Variants in RPA1 observed in about 807,000 individuals in gnomAD.
The protein encoded by RPA1 is replication protein A1.
Under a neutral mutation model 83.0 loss-of-function variants are expected in RPA1, and 49 were observed. That is an observed-to-expected ratio of 0.59 (90% confidence interval 0.47 to 0.75). The LOEUF (loss-of-function observed/expected upper bound fraction) is 0.75. RPA1 is among the 30% of genes least tolerant of loss of function. The pLI, the probability that RPA1 is intolerant of heterozygous loss-of-function variation, is 0.00. For synonymous variants in RPA1, 279 were observed against 281.8 expected (o/e 0.99, Z 0.10); for missense variants, 693 against 776.1 (o/e 0.89, Z 1.27).
intron 1 of RPA1, among the ~76,000 whole-genome samples, chr17:1,842,089 C>T (rs1403810159): frequency 1.3e-5 from 2 of 151,984 alleles, no homozygotes; most frequent in Admixed American, 1.3e-4. Flanking sequence ...CTCTTGGGCT[C>T]AAAGCAGTCC....
At chr17:1,880,392 TAG>T in intron 11 of RPA1, 149 bp from the exon 12 acceptor site, 1 of 722,258 alleles carries the variant, frequency 1.4e-6, no homozygotes, top group Non-Finnish European at 2.3e-6. Flanking sequence ...TGTCTCTGAG[TAG>T]ATTCTCATGT....
chr17:1,830,028 C>T lies in RPA1; in HGVS notation c.-66C>T. 1 of 1,240,902 alleles carries T rather than the reference C, an allele frequency of 8.1e-7. No individual in the cohort carries two copies. Among genetic ancestry groups the T allele is most frequent in the Non-Finnish European group, 1.0e-6 (1 of 981,542 alleles). 76.9% of individuals were successfully genotyped at this position (1,240,902 alleles called of 1,614,324 possible). ...TTCTCGGGCCAATAACTGCGCAGCGCGCGGGACCCGGGTGGGGAAGCTGGA... is the reference window on the plus strand; with the variant it reads ...TTCTCGGGCCAATAACTGCGCAGCGTGCGGGACCCGGGTGGGGAAGCTGGA... On this transcript the variant is annotated 5_prime_UTR_variant, in exon 1 of 17. Coordinates refer to ENST00000254719, the MANE Select transcript of RPA1 (RefSeq NM_002945.5).
chr17:1,889,062 G>GC (rs2151291018), intron 14 of RPA1, among the ~76,000 whole-genome samples: 1 of 148,780 alleles, frequency 6.7e-6, no homozygotes, highest in Non-Finnish European at 1.5e-5. Flanking sequence ...ACGTCATACA[G>GC]CCATAGCGTC....
At position 1,830,023 on chromosome 17, in the gene RPA1, CAGCGCGCGGG is replaced by C. The variant is rs1413928037; in HGVS notation, c.-69_-60del. 8.1e-7 allele frequency: 1 copy of C among 1,237,090 alleles called. No individual in the cohort carries two copies. The highest frequency in any genetic ancestry group is 1.6e-5 in the African/African-American group (1 of 64,304). The allele number at this position is 1,237,090 out of a possible 1,614,324, so 76.6% of individuals were successfully genotyped here. On this transcript the variant is annotated 5_prime_UTR_variant, in exon 1 of 17. Coordinates refer to ENST00000254719, the MANE Select transcript of RPA1 (RefSeq NM_002945.5). The stretch of plus-strand genomic sequence containing the variant: ...GCAACTTCTCGGGCCAATAACTGCG[CAGCGCGCGGG>C]ACCCGGGTGGGGAAGCTGGAGCTGT...
intron 4 of RPA1, among the ~76,000 whole-genome samples, chr17:1,849,417 C>G (rs1315216931): frequency 6.6e-6 from 1 of 151,420 alleles, no homozygotes; most frequent in African/African-American, 2.4e-5. Context: ...CTCAGCCTCC[C>G]CAGTAGCTGG....
intron 13 of RPA1, among the ~76,000 whole-genome samples, chr17:1,886,139 G>A (rs934934385): frequency 4.0e-5 from 6 of 151,780 alleles, no homozygotes; most frequent in African/African-American, 1.2e-4. Context: ...CTCGTACTGT[G>A]TGTCTCCATT....
At chr17:1,840,630 G>A (rs1047504485) in intron 1 of RPA1, among the ~76,000 whole-genome samples, 2 of 152,042 alleles carry the variant, frequency 1.3e-5, no homozygotes, top group Non-Finnish European at 2.9e-5. Context: ...GACTGGTCTC[G>A]AACTCCTGAG....
At chr17:1,870,458 T>C (rs1486219018) in intron 5 of RPA1, among the ~76,000 whole-genome samples, 1 of 152,234 alleles carries the variant, frequency 6.6e-6, no homozygotes, top group Non-Finnish European at 1.5e-5. Flanking sequence ...TTTTAAAAAT[T>C]GTGGTAAAAT....
chr17:1,872,440 G>A lies in RPA1; in HGVS notation c.368G>A (p.Gly123Glu). 9 of 1,613,746 alleles carry A rather than the reference G, an allele frequency of 5.6e-6. No homozygotes were observed. Among genetic ancestry groups the A allele is most frequent in the Non-Finnish European group, 6.8e-6 (8 of 1,179,960 alleles). The part of the protein sequence containing the change: ...GNPVPYNEGL[G>E]QPQVAPPAPA... ...TTTCCCTTTTGATCTTCAGGACTCG[G>A]GCAGCCGCAAGTAGCTCCTCCAGCG... The change falls in exon 6 of 17, where the codon GGG (glycine) becomes GAG (glutamate). Residue 123 changes from glycine to glutamate, a missense_variant. Transcript: ENST00000254719.
rs17339011 is a variant in RPA1, at chr17:1,884,844, A to G, written c.1374+900A>G. 7.1e-3 allele frequency among the ~76,000 whole-genome samples: 1,089 copies of G among 152,326 alleles called. 14 individuals carry two copies. Among genetic ancestry groups the G allele is most frequent in the African/African-American group, 0.025 (1,028 of 41,556 alleles). ...CATGGAAGACCCCTTCTCTTGAAACAAAAACTTTATTGCTGAAAAATGCTG... is the reference window on the plus strand; with the variant it reads ...CATGGAAGACCCCTTCTCTTGAAACGAAAACTTTATTGCTGAAAAATGCTG... On this transcript the variant is annotated intron_variant, in intron 13 of 16. Coordinates refer to ENST00000254719, the MANE Select transcript of RPA1 (RefSeq NM_002945.5). This position sits in a 1 kb window ranked among gnomAD's most constrained non-coding sequence, Gnocchi z 4.1.
At chr17:1,866,709 C>T (rs949038385) in intron 5 of RPA1, among the ~76,000 whole-genome samples, 2 of 152,236 alleles carry the variant, frequency 1.3e-5, no homozygotes, top group Non-Finnish European at 2.9e-5. Flanking sequence ...GATCTGCCCA[C>T]CTCTGCCTCC....
intron 5 of RPA1, among the ~76,000 whole-genome samples, chr17:1,865,664 C>T (rs1331060379): frequency 2.6e-5 from 4 of 152,122 alleles, no homozygotes; most frequent in Non-Finnish European, 5.9e-5. Flanking sequence ...TTCGTGGTTT[C>T]TTTTTATCCT....
chr17:1,869,533 C>T (rs992717950), intron 5 of RPA1, among the ~76,000 whole-genome samples: 7 of 53,618 alleles, frequency 1.3e-4, no homozygotes, highest in African/African-American at 3.2e-4. Context: ...AGCGAGACTA[C>T]GTCTCAAAAA....
At position 1,879,061 on chromosome 17, in the gene RPA1, G is replaced by A. The variant is rs1393009618; in HGVS notation, c.759G>A (p.Lys253=). 6.2e-7 allele frequency: 1 copy of A among 1,614,212 alleles called. No homozygotes were observed. Among genetic ancestry groups the A allele is most frequent in the Admixed American group, 1.7e-5 (1 of 60,024 alleles). The part of the protein sequence containing the change: ...DKFFPLIEVN[K]VYYFSKGTLK... ...TCTTTCCTCTTATTGAAGTGAACAA[G>A]GTATGGCCGTGCTGACTTTAGAACT... Residue 253 remains lysine (K), a splice_region_variant and synonymous_variant, in exon 9 of 17, where the codon AAG becomes AAA. Coordinates refer to ENST00000254719, the MANE Select transcript of RPA1 (RefSeq NM_002945.5).
Position 1,843,947 on chromosome 17 carries a change from A to C in RPA1, c.112A>C (p.Ser38Arg). Residue 38 changes from serine (S) to arginine (R), a missense_variant, in exon 3 of 17, where the codon AGT (serine) becomes CGT (arginine). Transcript: ENST00000254719. ...CATCCGTCCCATTACTACGGGGAAT[A>C]GTCCGCCGCGTTATCGACTGCTCAT... is the stretch of plus-strand genomic sequence containing the variant. Reference protein sequence around the residue: ...INIRPITTGNSPPRYRLLMSD... With the variant: ...INIRPITTGNRPPRYRLLMSD... The C allele has an allele frequency of 6.2e-7, 1 of 1,613,986 alleles. No homozygotes were observed. Among genetic ancestry groups the C allele is most frequent in the Non-Finnish European group, 8.5e-7 (1 of 1,179,920 alleles).
At chr17:1,872,353 C>T in intron 5 of RPA1, 81 bp from the exon 6 acceptor site, 2 of 1,550,134 alleles carry the variant, frequency 1.3e-6, no homozygotes, top group South Asian at 1.2e-5. Context: ...TACACTTTCC[C>T]AGAGCATTCC....
intron 4 of RPA1, among the ~76,000 whole-genome samples, chr17:1,852,296 G>A (rs1912525379): frequency 6.6e-6 from 1 of 152,208 alleles, no homozygotes; most frequent in South Asian, 2.1e-4. Context: ...ACGGAGCAGA[G>A]TGTTCTGAAG....
At chr17:1,845,402 C>T (rs947938401) in intron 4 of RPA1, among the ~76,000 whole-genome samples, 3 of 150,902 alleles carry the variant, frequency 2.0e-5, no homozygotes, top group Non-Finnish European at 2.9e-5. Flanking sequence ...TGAGGTGTGG[C>T]GGCACACGCT....
chr17:1,897,223 A>T lies in RPA1; in HGVS notation c.*48A>T. On this transcript the variant is annotated 3_prime_UTR_variant, in exon 17 of 17. Transcript: ENST00000254719. The stretch of plus-strand genomic sequence containing the variant: ...GAAGTTTGCAAATAGGCAGAATGGA[A>T]TCGATTTCCTCCCACCTCCGTGTGA... 7.3e-7 allele frequency: 1 copy of T among 1,377,566 alleles called. No individual in the cohort carries two copies. The highest frequency in any genetic ancestry group is 1.0e-6 in the Non-Finnish European group (1 of 1,000,422). 85.3% of individuals were successfully genotyped at this position (1,377,566 alleles called of 1,614,324 possible).
Sources: gnomAD v4.1 joint callset for allele counts (sites outside exome capture counted in the v4.1 genomes callset) on GRCh38, gnomAD v4.1.1 for gene constraint, Gnocchi (gnomAD v3.1) non-coding constraint, MANE v1.5 for transcripts, NCBI Gene and HGNC (gene_info 2026-07-23, HGNC 2026-07-21) for gene names.